Variants in STEAP2 observed in about 807,000 individuals in gnomAD.
STEAP2 encodes the protein metalloreductase STEAP2.
A neutral mutation model predicts 46.4 loss-of-function variants in STEAP2; 30 were observed. The ratio of observed to expected loss-of-function variants is 0.65; its 90% CI spans 0.48 to 0.88. The LOEUF (loss-of-function observed/expected upper bound fraction) is 0.88, where lower values mean the gene tolerates loss of function less well. Ranked by LOEUF, STEAP2 falls within the 40% of genes least tolerant of loss-of-function variation. The pLI, the probability that STEAP2 is intolerant of heterozygous loss-of-function variation, is 0.00. For missense variants in STEAP2, 513 were observed against 579.3 expected (o/e 0.89, Z 1.18); for synonymous variants, 180 against 200.5 (o/e 0.90, Z 0.86).
intron 2 of STEAP2, among the ~76,000 whole-genome samples, chr7:90,224,584 C>A (rs747467406): frequency 6.6e-6 from 1 of 152,198 alleles, no homozygotes; most frequent in African/African-American, 2.4e-5. Flanking sequence ...CTTTCCCATG[C>A]AAAGCCAAGT....
intron 2 of STEAP2, among the ~76,000 whole-genome samples, chr7:90,223,892 G>T (rs1795368272): frequency 6.6e-6 from 1 of 152,140 alleles, no homozygotes; most frequent in African/African-American, 2.4e-5. Context: ...CTCATTTAAT[G>T]ATAAAGTCAC....
Position 90,233,023 on chromosome 7 carries a change from T to G in STEAP2, c.*399T>G. 1.0e-6 allele frequency: 1 copy of G among 966,858 alleles called. No homozygotes were observed. The highest frequency in any genetic ancestry group is 1.2e-6 in the Non-Finnish European group (1 of 812,848). 59.9% of individuals were successfully genotyped at this position (966,858 alleles called of 1,614,324 possible). A position where few individuals can be genotyped will look rare whatever the true frequency, so the allele number is the denominator to read the frequency against. The stretch of plus-strand genomic sequence containing the variant: ...ATACATTTTTTTCTGAAGATTAAGA[T>G]TTTAATTATTCAACTTAAAAAGTAG... On this transcript the variant is annotated 3_prime_UTR_variant, in exon 6 of 6. Coordinates refer to ENST00000394621, the MANE Select transcript of STEAP2 (RefSeq NM_001244944.2).
rs1488381371 is a variant in STEAP2 at position 90,237,245 on chromosome 7, G to A, written c.*4621G>A. 1 of 346,660 alleles carries A rather than the reference G, an allele frequency of 2.9e-6. No homozygotes were observed. The highest frequency in any genetic ancestry group is 4.6e-5 in the Admixed American group (1 of 21,690). 21.5% of individuals were successfully genotyped at this position (346,660 alleles called of 1,614,324 possible). On this transcript the variant is annotated 3_prime_UTR_variant, in exon 6 of 6. Transcript: ENST00000394621. ...CCTGCATTTAAGCCATTGTAAATCT[G>A]GGTGTGTTACATGAAGTGAAAATTA...
intron 4 of STEAP2, 148 bp from the exon 5 acceptor site, chr7:90,229,724 G>T (rs913415913): frequency 1.4e-5 from 18 of 1,272,880 alleles, no homozygotes; most frequent in Non-Finnish European, 1.9e-5. Context: ...CCAGTAACAG[G>T]TTCTCTGTAA....
intron 2 of STEAP2, among the ~76,000 whole-genome samples, chr7:90,223,557 A>G (rs1027596050): frequency 3.3e-5 from 5 of 152,216 alleles, no homozygotes; most frequent in South Asian, 2.1e-4. Context: ...CATGGCTATG[A>G]TAACAAGTAA....
At chr7:90,219,153 A>G (rs1370325981) in intron 2 of STEAP2, among the ~76,000 whole-genome samples, 1 of 152,032 alleles carries the variant, frequency 6.6e-6, no homozygotes, top group Non-Finnish European at 1.5e-5. Flanking sequence ...ACTTTATTGA[A>G]TTTATTTATC....
intron 1 of STEAP2, among the ~76,000 whole-genome samples, chr7:90,214,171 G>C (rs1794922478): frequency 6.6e-6 from 1 of 152,208 alleles, no homozygotes; most frequent in African/African-American, 2.4e-5. Context: ...GGACTAGCCT[G>C]GTATTGGTGG....
At position 90,236,252 on chromosome 7, in the gene STEAP2, A is replaced by T; in HGVS notation, c.*3628A>T. The stretch of plus-strand genomic sequence containing the variant: ...TCTAATGTGGTATTTTAAATAAAGT[A>T]TCATAAATGTAATAAGTAAATATTT... On this transcript the variant is annotated 3_prime_UTR_variant, in exon 6 of 6. Transcript: ENST00000394621. 2 of 882,356 alleles carry T rather than the reference A, an allele frequency of 2.3e-6. No homozygotes were observed. The highest frequency in any genetic ancestry group is 2.7e-6 in the Non-Finnish European group (2 of 736,378). 54.7% of individuals were successfully genotyped at this position (882,356 alleles called of 1,614,324 possible).
rs17866261 is a variant in STEAP2 at position 90,226,795 on chromosome 7, G to A, written c.493-176G>A. Among the ~76,000 whole-genome samples the A allele has an allele frequency of 2.2e-3, 330 of 152,156 alleles. 13 individuals carry two copies. In the East Asian group the frequency reaches 0.056, roughly 26 times the overall value. On this transcript the variant is annotated intron_variant, in intron 3 of 5. Coordinates refer to ENST00000394621, the MANE Select transcript of STEAP2 (RefSeq NM_001244944.2). ...TGAACTTGGTGCTCAATAAATACTT[G>A]TTGTTGTAGGCTTTCAAACTATTGA...
chr7:90,224,117 G>C (rs1013292217), intron 2 of STEAP2, among the ~76,000 whole-genome samples: 3 of 152,144 alleles, frequency 2.0e-5, no homozygotes, highest in African/African-American at 7.2e-5. Flanking sequence ...TTACAAGTGT[G>C]TTTTTCCAAA....
Position 90,227,165 on chromosome 7 carries a change from T to C in STEAP2, c.687T>C (p.Tyr229=). The C allele has an allele frequency of 1.2e-6, 2 of 1,613,690 alleles. No homozygotes were observed. The highest frequency in any genetic ancestry group is 8.5e-7 in the Non-Finnish European group (1 of 1,179,836). Residue 229 remains tyrosine (Y), a synonymous_variant, in exon 4 of 6, where the codon TAT becomes TAC. Coordinates refer to ENST00000394621, the MANE Select transcript of STEAP2 (RefSeq NM_001244944.2). ...GCTTGGCCACATTTTTTTTCCTTTATTCCTTTGTCAGAGATGTGATTCATC... is the reference window on the plus strand; with the variant it reads ...GCTTGGCCACATTTTTTTTCCTTTACTCCTTTGTCAGAGATGTGATTCATC... ...AISLATFFFL[Y]SFVRDVIHPY...
intron 2 of STEAP2, among the ~76,000 whole-genome samples, chr7:90,220,503 T>C (rs1289065521): frequency 6.6e-6 from 1 of 152,186 alleles, no homozygotes; most frequent in East Asian, 1.9e-4. Context: ...TGATTTTTTA[T>C]TGGAGTATTT....
downstream of STEAP2, among the ~76,000 whole-genome samples, chr7:90,241,832 G>A (rs1233766635): frequency 6.6e-6 from 1 of 152,172 alleles, no homozygotes; most frequent in African/African-American, 2.4e-5. Flanking sequence ...TGACAGACAA[G>A]GTTGCACCCA....
intron 4 of STEAP2, among the ~76,000 whole-genome samples, chr7:90,228,306 A>C (rs890990171): frequency 6.6e-6 from 1 of 152,172 alleles, no homozygotes; most frequent in Non-Finnish European, 1.5e-5. Context: ...TCATAGTCCA[A>C]GTATGTGGCA....
rs560491986 is a variant in STEAP2, at chr7:90,221,912, T to C, written c.-33-3138T>C. ...GATAATTAATGTTGTTTTGTTTTTG[T>C]TTCTGTTTGAAAAAGTCTTGATCAT... On this transcript the variant is annotated intron_variant, in intron 2 of 5. Transcript: ENST00000394621. Among the ~76,000 whole-genome samples, 5 of 152,298 alleles carry C rather than the reference T, an allele frequency of 3.3e-5. No homozygotes were observed. In the South Asian group the frequency reaches 1.0e-3, roughly 32 times the overall value.
chr7:90,212,221 G>A (rs982006797), intron 1 of STEAP2, 176 bp downstream of exon 1: 7 of 152,360 alleles, frequency 4.6e-5, no homozygotes, highest in African/African-American at 1.7e-4. Context: ...AGTGAGAAGG[G>A]TGGAGAAGGG....
rs1025269197 is a variant in STEAP2 at position 90,233,002 on chromosome 7, A to AT, written c.*385dup. The stretch of plus-strand genomic sequence containing the variant: ...TTTTAAAATAATTCAATGGATATAC[A>AT]TTTTTTTCTGAAGATTAAGATTTTA... On this transcript the variant is annotated 3_prime_UTR_variant, in exon 6 of 6. Coordinates refer to ENST00000394621, the MANE Select transcript of STEAP2 (RefSeq NM_001244944.2). The AT allele has an allele frequency of 1.0e-6, 1 of 964,816 alleles. No homozygotes were observed. Among genetic ancestry groups the AT allele is most frequent in the East Asian group, 1.1e-4 (1 of 8,786 alleles). 59.8% of individuals were successfully genotyped at this position (964,816 alleles called of 1,614,324 possible).
chr7:90,238,494 TC>T (rs1158032761), downstream of STEAP2, among the ~76,000 whole-genome samples: 1 of 152,100 alleles, frequency 6.6e-6, no homozygotes, highest in Non-Finnish European at 1.5e-5. Flanking sequence ...TCCCTTCCTT[TC>T]CCCCAGATAG....
At chr7:90,219,613 C>T (rs1795165032) in intron 2 of STEAP2, among the ~76,000 whole-genome samples, 1 of 152,072 alleles carries the variant, frequency 6.6e-6, no homozygotes. Context: ...ATATGTTGAA[C>T]CATCCTTGTA....
Sources: gnomAD v4.1 joint callset for allele counts (sites outside exome capture counted in the v4.1 genomes callset) on GRCh38, gnomAD v4.1.1 for gene constraint, MANE v1.5 for transcripts, NCBI Gene and HGNC (gene_info 2026-07-23, HGNC 2026-07-21) for gene names.